NPSR1: variants seen among roughly 807,000 people sequenced by gnomAD.
The protein encoded by NPSR1 is neuropeptide S receptor 1, also known as neuropeptide S receptor.
Under a neutral mutation model 46.9 loss-of-function variants are expected in NPSR1, and 48 were observed. The observed-to-expected ratio is 1.02, with a 90% CI of 0.81 to 1.30. NPSR1 has a LOEUF of 1.30. Ranked by LOEUF, NPSR1 falls within the 50% of genes most tolerant of loss-of-function variation. The pLI, the probability that NPSR1 is intolerant of heterozygous loss-of-function variation, is 0.00. For missense variants in NPSR1, 450 were observed against 449.5 expected (o/e 1.00, Z -0.01); for synonymous variants, 176 against 168.1 (o/e 1.05, Z -0.36).
chr7:34,753,186 T>C (rs76146277), intron 2 of NPSR1, among the ~76,000 whole-genome samples: 1 of 152,164 alleles, frequency 6.6e-6, no homozygotes, highest in African/African-American at 2.4e-5. Flanking sequence ...GTGGAGCTTG[T>C]ATTGGGCCTT....
intron 4 of NPSR1, among the ~76,000 whole-genome samples, chr7:34,820,176 G>A (rs1221267587): frequency 3.3e-5 from 5 of 152,172 alleles, no homozygotes; most frequent in Non-Finnish European, 7.3e-5. Flanking sequence ...TGGAGGTGAT[G>A]GATACATTTA....
chr7:34,718,664 T>C (rs1219533777), intron 2 of NPSR1, among the ~76,000 whole-genome samples: 3 of 152,200 alleles, frequency 2.0e-5, no homozygotes, highest in African/African-American at 4.8e-5. Context: ...AGAATAATTA[T>C]GGACTAGCAA....
At chr7:34,842,895 T>A (rs867427161) in intron 6 of NPSR1, among the ~76,000 whole-genome samples, 2 of 152,200 alleles carry the variant, frequency 1.3e-5, no homozygotes, top group African/African-American at 4.8e-5. Flanking sequence ...TCTCCTCCAC[T>A]CTCCACGCAT....
chr7:34,764,172 T>G (rs191516845), intron 2 of NPSR1, among the ~76,000 whole-genome samples: 55 of 152,374 alleles, frequency 3.6e-4, no homozygotes, highest in Admixed American at 8.5e-4. Context: ...CATGTTTGTT[T>G]TTATCAAAAT....
rs550916000 is a variant in NPSR1 at position 34,827,190 on chromosome 7, G to C, written c.479-211G>C. ...CCAACCTTAGGCCAGGCAATGTGCT[G>C]GCTTCTGTTCAAGCTTCCCTTTGTA... is the stretch of plus-strand genomic sequence containing the variant. On this transcript the variant is annotated intron_variant, in intron 4 of 8. Transcript: ENST00000360581. Among the ~76,000 whole-genome samples, 54 of 152,304 alleles carry C rather than the reference G, an allele frequency of 3.5e-4. No individual in the cohort carries two copies. The South Asian group carries it at 0.011, about 31-fold the overall frequency.
In NPSR1 at chr7:34,849,697, C is replaced by T; in HGVS notation, c.*42C>T. On this transcript the variant is annotated 3_prime_UTR_variant, in exon 9 of 9. Coordinates refer to ENST00000360581, the MANE Select transcript of NPSR1 (RefSeq NM_207172.2). ...AGTGCTAGGCTGAGCACCATCAGCT[C>T]TCCCAGGTCCTTGTCACCTGCTTGG... The T allele has an allele frequency of 6.2e-7, 1 of 1,604,180 alleles. No homozygotes were observed. The highest frequency in any genetic ancestry group is 8.5e-7 in the Non-Finnish European group (1 of 1,174,870).
chr7:34,837,989 T>C (rs562248578), intron 6 of NPSR1, among the ~76,000 whole-genome samples: 4 of 152,200 alleles, frequency 2.6e-5, no homozygotes, highest in Non-Finnish European at 4.4e-5. Context: ...AACCCCTGTC[T>C]TGTGGTTTCT....
At chr7:34,865,850 C>A (rs1791302115) in intron 8 of NPSR1, among the ~76,000 whole-genome samples, 1 of 151,666 alleles carries the variant, frequency 6.6e-6, no homozygotes, top group African/African-American at 2.4e-5. Context: ...TCATTCTCAG[C>A]AGACATAATA....
intron 2 of NPSR1, among the ~76,000 whole-genome samples, chr7:34,756,604 T>A (rs1354821813): frequency 6.6e-6 from 1 of 152,228 alleles, no homozygotes; most frequent in African/African-American, 2.4e-5. Context: ...AAACTTCTTT[T>A]ATGGCACAGA....
intron 3 of NPSR1, among the ~76,000 whole-genome samples, chr7:34,791,562 G>A (rs923505112): frequency 2.6e-5 from 4 of 151,468 alleles, no homozygotes; most frequent in African/African-American, 9.7e-5. Context: ...ATTAAACTAG[G>A]CAAAAATTGG....
intron 2 of NPSR1, among the ~76,000 whole-genome samples, chr7:34,749,008 GC>G (rs1785366254): frequency 1.3e-5 from 2 of 152,238 alleles, no homozygotes; most frequent in Non-Finnish European, 1.5e-5. Context: ...AAGACCCTGA[GC>G]CCAGCCTTGA....
rs324970 is a variant in NPSR1, at chr7:34,751,996, C to T, written c.281-26466C>T. The T allele has an allele frequency of 2.0e-3, 1,660 of 850,684 alleles. 24 individuals carry two copies. In the African/African-American group the frequency reaches 0.025, roughly 13 times the overall value. 52.7% of individuals were successfully genotyped at this position (850,684 alleles called of 1,614,324 possible). On this transcript the variant is annotated intron_variant, in intron 2 of 8. Coordinates refer to ENST00000360581, the MANE Select transcript of NPSR1 (RefSeq NM_207172.2). ...GTCTTTCTACTGTCAGAGATGTTGG[C>T]GATGGCATGGCACACCTGCTGGGCC... is the stretch of plus-strand genomic sequence containing the variant.
chr7:34,844,935 C>T lies in NPSR1; in HGVS notation c.797C>T (p.Ser266Leu). ...AGCAGCTATAACCGAGGACTCATCT[C>T]AAAGGCAAAAATCAAGGCTATCAAG... is the stretch of plus-strand genomic sequence containing the variant. ...LCSSYNRGLI[S>L]KAKIKAIKYS... Residue 266 changes from serine (S) to leucine (L), a missense_variant, in exon 7 of 9, where the codon TCA becomes TTA. Transcript: ENST00000360581. 1 of 1,613,274 alleles carries T rather than the reference C, an allele frequency of 6.2e-7. No homozygotes were observed. The highest frequency in any genetic ancestry group is 8.5e-7 in the Non-Finnish European group (1 of 1,179,222).
At chr7:34,709,805 A>C (rs1199698284) in intron 2 of NPSR1, among the ~76,000 whole-genome samples, 1 of 152,196 alleles carries the variant, frequency 6.6e-6, no homozygotes, top group Non-Finnish European at 1.5e-5. Context: ...GATGAATATA[A>C]AAATATTTAT....
At chr7:34,739,031 A>G (rs1400170424) in intron 2 of NPSR1, among the ~76,000 whole-genome samples, 4 of 152,320 alleles carry the variant, frequency 2.6e-5, no homozygotes, top group African/African-American at 9.6e-5. Context: ...ACTTTGCATA[A>G]GATGTTTAAA....
chr7:34,783,506 T>C (rs987440902), intron 3 of NPSR1, among the ~76,000 whole-genome samples: 5 of 151,970 alleles, frequency 3.3e-5, no homozygotes, highest in Non-Finnish European at 7.4e-5. Context: ...CAAGATGAGA[T>C]TTGGGTAGGA....
At chr7:34,753,987 A>G (rs756546323) in intron 2 of NPSR1, among the ~76,000 whole-genome samples, 1 of 152,192 alleles carries the variant, frequency 6.6e-6, no homozygotes, top group Non-Finnish European at 1.5e-5. Flanking sequence ...CTTAATCTGG[A>G]TGTCAGACCA....
chr7:34,792,723 A>ATGTATAGATATATTTT (rs1787986013), intron 3 of NPSR1, among the ~76,000 whole-genome samples: 2 of 130,410 alleles, frequency 1.5e-5, no homozygotes, highest in Non-Finnish European at 3.2e-5. Flanking sequence ...ATTTATATAT[A>ATGTATAGATATATTTT]TATATATATA....
At chr7:34,839,146 A>C (rs977205180) in intron 6 of NPSR1, among the ~76,000 whole-genome samples, 2 of 152,240 alleles carry the variant, frequency 1.3e-5, no homozygotes, top group Non-Finnish European at 1.5e-5. Context: ...GCTTCTCTAC[A>C]ATTAACTACA....
Sources: gnomAD v4.1 joint callset for allele counts (sites outside exome capture counted in the v4.1 genomes callset) on GRCh38, gnomAD v4.1.1 for gene constraint, MANE v1.5 for transcripts, NCBI Gene and HGNC (gene_info 2026-07-23, HGNC 2026-07-21) for gene names.